OCA2: variants seen among roughly 807,000 people sequenced by gnomAD.
OCA2 encodes the protein OCA2 melanosomal transmembrane protein.
In OCA2, 77 loss-of-function variants were observed where a neutral mutation model predicts 100.2. That is an observed-to-expected ratio of 0.77 (90% CI 0.64 to 0.93). The LOEUF (loss-of-function observed/expected upper bound fraction) is 0.93. OCA2 is among the 40% of genes least tolerant of loss of function. The probability of loss-of-function intolerance (pLI) is 0.00; values close to 1 mark genes in which losing one functional copy is unlikely to be tolerated. For synonymous variants in OCA2, 432 were observed against 439.2 expected, an observed-to-expected ratio of 0.98 and a Z score of 0.21; for missense variants, 1,062 against 1,089.1, an observed-to-expected ratio of 0.98 and a Z score of 0.35.
chr15:27,769,366 A>G (rs60877324), intron 23 of OCA2, among the ~76,000 whole-genome samples: 7,164 of 152,296 alleles, frequency 0.047, 557 homozygotes, highest in African/African-American at 0.16. Context: ...CTAAGGAACC[A>G]AGGCTTCCGG....
intron 9 of OCA2, among the ~76,000 whole-genome samples, chr15:28,003,264 G>A (rs1192736247): frequency 2.0e-5 from 3 of 152,344 alleles, no homozygotes; most frequent in Non-Finnish European, 4.4e-5. Flanking sequence ...TGCCAACTCC[G>A]CCAGCTTCGG....
chr15:27,906,720 T>G (rs1595617837), intron 19 of OCA2, among the ~76,000 whole-genome samples: 2 of 149,522 alleles, frequency 1.3e-5, no homozygotes. Context: ...TGGAGCAATA[T>G]TTTTAAAAAT....
chr15:27,760,003 T>G (rs1186249340), intron 23 of OCA2, among the ~76,000 whole-genome samples: 1 of 151,802 alleles, frequency 6.6e-6, no homozygotes, highest in Non-Finnish European at 1.5e-5. Flanking sequence ...ATACAGAGGG[T>G]TTTTTTTCTT....
At chr15:27,823,922 T>G (rs2311469) in intron 23 of OCA2, among the ~76,000 whole-genome samples, 76,793 of 152,102 alleles carry the variant, frequency 0.5, 19,993 homozygotes, top group South Asian at 0.76. Flanking sequence ...ATGTGAATTA[T>G]ATATGAAGCT....
At chr15:27,996,490 A>G (rs371834446) in intron 9 of OCA2, among the ~76,000 whole-genome samples, 2 of 152,122 alleles carry the variant, frequency 1.3e-5, no homozygotes, top group South Asian at 4.1e-4. Flanking sequence ...ATTGGCAGAA[A>G]GAAATGAAAC....
At chr15:27,973,257 T>G (rs911224583) in intron 14 of OCA2, among the ~76,000 whole-genome samples, 1 of 152,198 alleles carries the variant, frequency 6.6e-6, no homozygotes, top group Non-Finnish European at 1.5e-5. Flanking sequence ...ATTCTTTGCC[T>G]GGGTCAGTGT....
intron 23 of OCA2, among the ~76,000 whole-genome samples, chr15:27,764,482 G>A (rs2031099046): frequency 6.6e-6 from 1 of 152,112 alleles, no homozygotes; most frequent in South Asian, 2.1e-4. Flanking sequence ...AAGGTAAACT[G>A]CTCCCTTTTT....
chr15:27,948,625 C>T (rs1406361707), intron 18 of OCA2, among the ~76,000 whole-genome samples: 1 of 152,058 alleles, frequency 6.6e-6, no homozygotes, highest in Non-Finnish European at 1.5e-5. Context: ...ACCACCACAC[C>T]CAGCTAATTT....
intron 9 of OCA2, among the ~76,000 whole-genome samples, chr15:28,007,588 G>A (rs2042125660): frequency 6.6e-6 from 1 of 152,082 alleles, no homozygotes; most frequent in Non-Finnish European, 1.5e-5. Context: ...AAATTAGCCG[G>A]GGGTGGTGTC....
At position 28,038,259 on chromosome 15, in the gene OCA2, T is replaced by TA. The variant is rs560737371; in HGVS notation, c.228-6097dup. 2.6e-5 allele frequency among the ~76,000 whole-genome samples: 4 copies of TA among 152,144 alleles called. No individual in the cohort carries two copies. The East Asian group carries it at 7.8e-4, about 30-fold the overall frequency. On this transcript the variant is annotated intron_variant, in intron 2 of 23. Transcript: ENST00000354638. The stretch of plus-strand genomic sequence containing the variant: ...AGAACACAGCCAAACATGTTTCCCA[T>TA]AGACAGAAGGCAGATCTGAGGAAGA...
At chr15:27,750,198 G>A (rs1443655205), downstream of OCA2, among the ~76,000 whole-genome samples, 1 of 152,116 alleles carries the variant, frequency 6.6e-6, no homozygotes, top group Admixed American at 6.5e-5. Context: ...TTTCTCCAGG[G>A]CTCTTACAAG....
intron 23 of OCA2, among the ~76,000 whole-genome samples, chr15:27,825,633 C>G (rs921458634): frequency 1.1e-4 from 17 of 152,320 alleles, no homozygotes; most frequent in Middle Eastern, 3.4e-3. Context: ...TCGCACAGGA[C>G]AGACGCCAAC....
In OCA2 at chr15:28,018,626, G is replaced by A. The variant is rs1036292032; in HGVS notation, c.647-69C>T. 1.5e-5 allele frequency: 22 copies of A among 1,422,436 alleles called. No homozygotes were observed. In the East Asian group the frequency reaches 2.4e-4, roughly 15 times the overall value. 88.1% of individuals were successfully genotyped at this position (1,422,436 alleles called of 1,614,324 possible). A position where few individuals can be genotyped will look rare whatever the true frequency, so the allele number is the denominator to read the frequency against. ...CCCATGTCCCCGCCGCCCGCCAGACGCACACCCTCCTCTGACAGTGTGTGA... is the reference window on the plus strand; with the variant it reads ...CCCATGTCCCCGCCGCCCGCCAGACACACACCCTCCTCTGACAGTGTGTGA... On this transcript the variant is annotated intron_variant, in intron 6 of 23. Transcript: ENST00000354638.
intron 19 of OCA2, among the ~76,000 whole-genome samples, chr15:27,877,700 T>C (rs1370790964): frequency 2.0e-5 from 3 of 152,142 alleles, no homozygotes; most frequent in South Asian, 2.1e-4. Context: ...TTTAAAAGCA[T>C]GTCCCATATC....
At chr15:27,721,136 A>G in the OCA2 span, among the ~76,000 whole-genome samples, 11 of 152,340 alleles carry the variant, frequency 7.2e-5, no homozygotes, top group Non-Finnish European at 1.3e-4. Flanking sequence ...TGGGAACTTC[A>G]GAGAGTTTTT....
chr15:27,935,121 A>T (rs922134801), intron 18 of OCA2, among the ~76,000 whole-genome samples: 1 of 152,228 alleles, frequency 6.6e-6, no homozygotes, highest in African/African-American at 2.4e-5. Context: ...ACTGACGGAA[A>T]CATCCCAGTT....
chr15:27,871,851 C>A lies in OCA2; in HGVS notation c.2139+12G>T. On this transcript the variant is annotated intron_variant, in intron 20 of 23. Coordinates refer to ENST00000354638, the MANE Select transcript of OCA2 (RefSeq NM_000275.3). ...GTGGCTGGAGTGCCTTCTATTATAGCATTTATTTTACCTTTATTAGCAAAG... is the reference window on the plus strand; with the variant it reads ...GTGGCTGGAGTGCCTTCTATTATAGAATTTATTTTACCTTTATTAGCAAAG... 1 of 1,555,294 alleles carries A rather than the reference C, an allele frequency of 6.4e-7. No homozygotes were observed. The highest frequency in any genetic ancestry group is 1.1e-5 in the South Asian group (1 of 89,642).
intron 2 of OCA2, among the ~76,000 whole-genome samples, chr15:28,035,597 G>C (rs1280402642): frequency 6.6e-6 from 1 of 152,212 alleles, no homozygotes; most frequent in Non-Finnish European, 1.5e-5. Context: ...CAATAAGGTA[G>C]AAAATATTGA....
chr15:27,798,969 G>A (rs2033468669), intron 23 of OCA2, among the ~76,000 whole-genome samples: 1 of 152,234 alleles, frequency 6.6e-6, no homozygotes, highest in Admixed American at 6.5e-5. Flanking sequence ...GTTACATAAA[G>A]AGAGAGACCA....
Sources: allele counts gnomAD v4.1 joint callset (sites outside exome capture counted in the v4.1 genomes callset), GRCh38; gene constraint gnomAD v4.1.1; transcripts MANE v1.5; gene names NCBI Gene and HGNC (gene_info 2026-07-23, HGNC 2026-07-21).